METTL8: variants seen among roughly 807,000 people sequenced by gnomAD.
The protein encoded by METTL8 is methyltransferase 8, tRNA N3-cytidine.
A neutral mutation model predicts 48.7 loss-of-function variants in METTL8; 32 were observed. That is an observed-to-expected ratio of 0.66 (90% CI 0.50 to 0.88). The LOEUF is 0.88. Among genes scored for constraint, METTL8 ranks in the 40% least tolerant of loss-of-function variants. The pLI is 0.00. For missense variants in METTL8, 464 were observed against 474.4 expected (o/e 0.98, Z 0.20); for synonymous variants, 136 against 157.1 (o/e 0.87, Z 1.01).
At chr2:171,362,595 A>AATC (rs1559112516) in intron 2 of METTL8, among the ~76,000 whole-genome samples, 25 of 151,286 alleles carry the variant, frequency 1.7e-4, no homozygotes, top group African/African-American at 6.1e-4. Context: ...ATAAATAAAT[A>AATC]AATAAATCAA....
chr2:171,418,347 C>T (rs1691527330), intron 1 of METTL8, among the ~76,000 whole-genome samples: 1 of 152,128 alleles, frequency 6.6e-6, no homozygotes, highest in South Asian at 2.1e-4. Context: ...CGGGGTTTAA[C>T]AGGTTTCTCC....
chr2:171,381,985 T>C (rs1454491314), intron 2 of METTL8, among the ~76,000 whole-genome samples: 1 of 152,160 alleles, frequency 6.6e-6, no homozygotes. Flanking sequence ...GGTTTCACCA[T>C]GTTGGCCAGG....
chr2:171,430,163 G>C (rs1692845668), intron 1 of METTL8, among the ~76,000 whole-genome samples: 1 of 152,092 alleles, frequency 6.6e-6, no homozygotes, highest in Non-Finnish European at 1.5e-5. Flanking sequence ...TTCACAACCA[G>C]CCTGGCCAAC....
intron 5 of METTL8, among the ~76,000 whole-genome samples, chr2:171,333,703 G>C (rs1055994095): frequency 6.6e-6 from 1 of 152,120 alleles, no homozygotes; most frequent in African/African-American, 2.4e-5. Context: ...AAATGTATTT[G>C]AAATGTTCTC....
chr2:171,368,026 A>T (rs1297411208), intron 2 of METTL8, among the ~76,000 whole-genome samples: 2 of 152,244 alleles, frequency 1.3e-5, no homozygotes, highest in African/African-American at 4.8e-5. Context: ...TTGGAATGAA[A>T]GAAGGCAGTG....
At chr2:171,412,877 T>C (rs1456683864) in intron 1 of METTL8, among the ~76,000 whole-genome samples, 1 of 152,264 alleles carries the variant, frequency 6.6e-6, no homozygotes, top group Non-Finnish European at 1.5e-5. Flanking sequence ...TTGCCTTTGA[T>C]AAAATTTAAG....
At chr2:171,360,857 A>T (rs908281448) in intron 2 of METTL8, among the ~76,000 whole-genome samples, 4 of 152,154 alleles carry the variant, frequency 2.6e-5, no homozygotes, top group Non-Finnish European at 5.9e-5. Flanking sequence ...CCTTTTTGTT[A>T]ATTTATGAAC....
At chr2:171,371,905 T>C (rs2105503874) in intron 2 of METTL8, among the ~76,000 whole-genome samples, 1 of 151,530 alleles carries the variant, frequency 6.6e-6, no homozygotes, top group East Asian at 1.9e-4. Context: ...CCCAGGCTGG[T>C]AAATCCAACT....
intron 4 of METTL8, 90 bp downstream of exon 4, chr2:171,339,093 CA>C (rs1299819678): frequency 7.3e-5 from 86 of 1,177,402 alleles, no homozygotes; most frequent in South Asian, 8.3e-5. Flanking sequence ...AGTTTTCCAC[CA>C]AAAAAAATCT....
In METTL8 at chr2:171,393,026, C is replaced by T. The variant is rs188176992; in HGVS notation, c.-12-829G>A. Reference sequence around the variant, plus strand: ...GGCTGAGGCAAGAGAATCGCTTGAACCCAGGAGGCGGAGATTGCAGTGAGC... The same window carrying T: ...GGCTGAGGCAAGAGAATCGCTTGAATCCAGGAGGCGGAGATTGCAGTGAGC... On this transcript the variant is annotated intron_variant, in intron 1 of 9. Coordinates refer to ENST00000375258, the MANE Select transcript of METTL8 (RefSeq NM_001321154.2). 4.1e-3 allele frequency among the ~76,000 whole-genome samples: 630 copies of T among 152,068 alleles called. 3 individuals carry two copies. The highest frequency in any genetic ancestry group is 6.4e-3 in the Non-Finnish European group (438 of 67,996).
At position 171,337,461 on chromosome 2, in the gene METTL8, G is replaced by T. The variant is rs1686240279; in HGVS notation, c.648C>A (p.Asn216Lys). 1 of 1,602,126 alleles carries T rather than the reference G, an allele frequency of 6.2e-7. No individual in the cohort carries two copies. Among genetic ancestry groups the T allele is most frequent in the Non-Finnish European group, 8.5e-7 (1 of 1,173,638 alleles). The stretch of plus-strand genomic sequence containing the variant: ...AAACTCTTAAAACTCACTCCAAAGT[G>T]TTCAAAATTGGAAACACACTATTTC... ...GAGNSVFPILNTLENSPESFL... is the reference protein window; with the variant it reads ...GAGNSVFPILKTLENSPESFL... The change falls in exon 5 of 10, where the codon AAC becomes AAA. Residue 216 changes from asparagine (N) to lysine (K), a missense_variant. Coordinates refer to ENST00000375258, the MANE Select transcript of METTL8 (RefSeq NM_001321154.2).
chr2:171,331,715 C>A (rs1303838629), intron 6 of METTL8, 89 bp downstream of exon 6: 1 of 1,046,284 alleles, frequency 9.6e-7, no homozygotes, highest in South Asian at 1.3e-5. Context: ...CCACGCCCTG[C>A]CTCTAGTGAT....
intron 6 of METTL8, among the ~76,000 whole-genome samples, chr2:171,331,304 T>C (rs1685503515): frequency 6.6e-6 from 1 of 152,058 alleles, no homozygotes; most frequent in African/African-American, 2.4e-5. Context: ...AGAGACGGGG[T>C]TTCACCATGT....
At chr2:171,326,410 G>A (rs553893975) in intron 7 of METTL8, 36 of 366,352 alleles carry the variant, frequency 9.8e-5, no homozygotes, top group Non-Finnish European at 1.4e-4. Flanking sequence ...AGAGCTTGAC[G>A]TATGATGTCA....
chr2:171,387,256 C>G (rs1688150808), intron 2 of METTL8, among the ~76,000 whole-genome samples: 1 of 152,162 alleles, frequency 6.6e-6, no homozygotes, highest in East Asian at 1.9e-4. Context: ...CACCCCTATA[C>G]ACTGTCATGG....
chr2:171,362,740 T>C (rs1054694558), intron 2 of METTL8, among the ~76,000 whole-genome samples: 6 of 152,164 alleles, frequency 3.9e-5, no homozygotes, highest in African/African-American at 1.2e-4. Flanking sequence ...GCTTTGTCTC[T>C]TGCTTTAATA....
chr2:171,371,827 T>TTATTATTAC (rs1167513003), intron 2 of METTL8, among the ~76,000 whole-genome samples: 4 of 118,566 alleles, frequency 3.4e-5, no homozygotes, highest in African/African-American at 1.0e-4. Context: ...TACATTATTG[T>TTATTATTAC]TATTATTACT....
chr2:171,365,157 A>G (rs1217861397), intron 2 of METTL8, among the ~76,000 whole-genome samples: 1 of 152,158 alleles, frequency 6.6e-6, no homozygotes, highest in Admixed American at 6.5e-5. Flanking sequence ...TTTATGCCCC[A>G]AGAGCATAAC....
intron 1 of METTL8, chr2:171,414,700 C>G (rs1168991581): frequency 1.3e-5 from 2 of 151,464 alleles, no homozygotes; most frequent in Admixed American, 6.6e-5. Flanking sequence ...TGCACTCCAG[C>G]CTAGGTGACA....
Sources: allele counts gnomAD v4.1 joint callset (sites outside exome capture counted in the v4.1 genomes callset), GRCh38; gene constraint gnomAD v4.1.1; transcripts MANE v1.5; gene names NCBI Gene and HGNC (gene_info 2026-07-23, HGNC 2026-07-21).